The following TRIM45 variants were observed in gnomAD, a reference collection of about 807,000 sequenced individuals.
TRIM45 encodes E3 ubiquitin-protein ligase TRIM45.
Under a neutral mutation model 46.7 loss-of-function variants are expected in TRIM45, and 45 were observed. The observed-to-expected ratio is 0.96, with a 90% CI of 0.76 to 1.24. The LOEUF (loss-of-function observed/expected upper bound fraction) is 1.24. TRIM45 is among the 50% of genes most tolerant of loss of function. The pLI, the probability that TRIM45 is intolerant of heterozygous loss-of-function variation, is 0.00. For missense variants in TRIM45, 680 were observed against 728.4 expected (o/e 0.93, Z 0.77); for synonymous variants, 259 against 285.8 (o/e 0.91, Z 0.94).
Position 117,118,835 on chromosome 1 carries a change from G to C in TRIM45, c.489-68C>G. On this transcript the variant is annotated intron_variant, in intron 1 of 5. Transcript: ENST00000256649. This position sits in a 1 kb window ranked among gnomAD's most constrained non-coding sequence, Gnocchi z 5.7. ...TCTGTTGGGAATAGTTGGGCAGAGA[G>C]ATTTTAGGAGCACAGGATCTGAAGT... The C allele has an allele frequency of 6.5e-7, 1 of 1,532,234 alleles. No individual in the cohort carries two copies. Among genetic ancestry groups the C allele is most frequent in the African/African-American group, 1.4e-5 (1 of 72,560 alleles). 94.9% of individuals were successfully genotyped at this position (1,532,234 alleles called of 1,614,324 possible).
upstream of TRIM45, chr1:117,121,902 A>T (rs1570919553): frequency 1.1e-5 from 8 of 708,682 alleles, 2 homozygotes; most frequent in African/African-American, 1.8e-5. This position sits in a 1 kb window ranked among gnomAD's most constrained non-coding sequence, Gnocchi z 4.2. Flanking sequence ...TCGCCAGTCC[A>T]CTCACGCGGG....
Position 117,113,516 on chromosome 1 carries a change from G to A in TRIM45, c.1468-31C>T. On this transcript the variant is annotated intron_variant, in intron 4 of 5. Transcript: ENST00000256649. The surrounding 1 kb of genome is among the most constrained non-coding windows in gnomAD (Gnocchi z 4.0). ...GTGTTCAGACCAAAAGCAATGAACA[G>A]CATCTTACGAGTTAACAGGATGTGC... 2 of 1,605,154 alleles carry A rather than the reference G, an allele frequency of 1.2e-6. No individual in the cohort carries two copies. Among genetic ancestry groups the A allele is most frequent in the Non-Finnish European group, 1.7e-6 (2 of 1,174,874 alleles).
Position 117,118,951 on chromosome 1 carries a change from C to T in TRIM45, c.489-184G>A, listed in dbSNP as rs1256104481. Among the ~76,000 whole-genome samples, 1 of 152,210 alleles carries T rather than the reference C, an allele frequency of 6.6e-6. No homozygotes were observed. The highest frequency in any genetic ancestry group is 1.5e-5 in the Non-Finnish European group (1 of 68,042). The stretch of plus-strand genomic sequence containing the variant: ...TCTCATCTGTACAGTGGGGACAATA[C>T]CTACCTGAAAGAGCTGTTGTATAGA... On this transcript the variant is annotated intron_variant, in intron 1 of 5. Transcript: ENST00000256649. This position sits in a 1 kb window ranked among gnomAD's most constrained non-coding sequence, Gnocchi z 5.7.
At chr1:117,119,575 C>G (rs910070256) in intron 1 of TRIM45, among the ~76,000 whole-genome samples, 3 of 151,698 alleles carry the variant, frequency 2.0e-5, no homozygotes, top group African/African-American at 7.3e-5. Context: ...TTATTGCACT[C>G]CAGCCTGGGC....
At position 117,118,529 on chromosome 1, in the gene TRIM45, T is replaced by C; in HGVS notation, c.727A>G (p.Lys243Glu). Residue 243 changes from lysine (K) to glutamate (E), a missense_variant, in exon 2 of 6, where the codon AAA becomes GAA. Transcript: ENST00000256649. This position sits in a 1 kb window ranked among gnomAD's most constrained non-coding sequence, Gnocchi z 5.7. Reference protein sequence around the residue: ...KHGDSVWELLKGTQPHVEALE... With the variant: ...KHGDSVWELLEGTQPHVEALE... ...GCCTCCACGTGGGGCTGAGTACCTTTGAGGAGCTCCCACACAGAGTCCCCA... is the reference window on the plus strand; with the variant it reads ...GCCTCCACGTGGGGCTGAGTACCTTCGAGGAGCTCCCACACAGAGTCCCCA... The C allele has an allele frequency of 1.2e-6, 2 of 1,614,136 alleles. No homozygotes were observed. Among genetic ancestry groups the C allele is most frequent in the South Asian group, 1.1e-5 (1 of 91,078 alleles).
At position 117,118,651 on chromosome 1, in the gene TRIM45, A is replaced by G; in HGVS notation, c.605T>C (p.Phe202Ser). The change falls in exon 2 of 6, where the codon TTC becomes TCC. Residue 202 changes from phenylalanine (F) to serine (S), a missense_variant. Physicochemically the swap from Phe to Ser is radical, Grantham distance 155. Around this residue, in one of 3 missense-constraint regions of TRIM45, gnomAD observed 349 missense variants for 343.6 expected, o/e 1.02. Transcript: ENST00000256649. The surrounding 1 kb of genome is among the most constrained non-coding windows in gnomAD (Gnocchi z 5.7). ...PVHPAEELRL[F>S]CEFCDRPVCQ... Reference sequence around the variant, plus strand: ...CACGGGCCGGTCACAGAACTCACAGAACAGCCTCAGTTCCTCTGCAGGGTG... The same window carrying G: ...CACGGGCCGGTCACAGAACTCACAGGACAGCCTCAGTTCCTCTGCAGGGTG... The G allele has an allele frequency of 6.2e-7, 1 of 1,614,050 alleles. No individual in the cohort carries two copies. Among genetic ancestry groups the G allele is most frequent in the Non-Finnish European group, 8.5e-7 (1 of 1,180,040 alleles).
chr1:117,113,212 G>A lies in TRIM45; in HGVS notation c.1594+147C>T. ...AAGGAAGCTTTAAGTGACACTTTTAGAACAGTGGTGTCTCTACAATCACAG... is the reference window on the plus strand; with the variant it reads ...AAGGAAGCTTTAAGTGACACTTTTAAAACAGTGGTGTCTCTACAATCACAG... On this transcript the variant is annotated intron_variant, in intron 5 of 5. Transcript: ENST00000256649. The surrounding 1 kb of genome is among the most constrained non-coding windows in gnomAD (Gnocchi z 4.0). The A allele has an allele frequency of 8.6e-7, 1 of 1,163,626 alleles. No individual in the cohort carries two copies. The highest frequency in any genetic ancestry group is 1.2e-6 in the Non-Finnish European group (1 of 825,176). 72.1% of individuals were successfully genotyped at this position (1,163,626 alleles called of 1,614,324 possible).
Position 117,120,806 on chromosome 1 carries a change from G to A in TRIM45, c.396C>T (p.Gly132=), listed in dbSNP as rs1650590487. The A allele has an allele frequency of 1.2e-6, 2 of 1,614,020 alleles. No homozygotes were observed. The highest frequency in any genetic ancestry group is 1.3e-5 in the African/African-American group (1 of 74,906). The change falls in exon 1 of 6, where the codon GGC becomes GGT. Residue 132 remains glycine, a synonymous_variant. Transcript: ENST00000256649. ...MLESLRGEGQ[G]LVCDLCNDRE... is the part of the protein sequence containing the mutation. ...TGTCGTTGCACAGGTCACACACCAG[G>A]CCCTGGCCTTCCCCACGTAGGCTCT...
Position 117,111,496 on chromosome 1 carries a change from C to T in TRIM45, c.*809G>A, listed in dbSNP as rs1650207519. The T allele has an allele frequency of 1.3e-5, 2 of 152,144 alleles. No individual in the cohort carries two copies. Among genetic ancestry groups the T allele is most frequent in the South Asian group, 4.1e-4 (2 of 4,832 alleles). 9.4% of individuals were successfully genotyped at this position (152,144 alleles called of 1,614,324 possible). A position where few individuals can be genotyped will look rare whatever the true frequency, so the allele number is the denominator to read the frequency against. Reference sequence around the variant, plus strand: ...ATGGCATAGAGACGGAGTAGGGGGACACCACCAAAACAAGATCACATTATC... The same window carrying T: ...ATGGCATAGAGACGGAGTAGGGGGATACCACCAAAACAAGATCACATTATC... On this transcript the variant is annotated 3_prime_UTR_variant, in exon 6 of 6. Transcript: ENST00000256649.
At chr1:117,123,042 A>G (rs1254393540), upstream of TRIM45, among the ~76,000 whole-genome samples, 1 of 7,378 alleles carries the variant, frequency 1.4e-4, no homozygotes, top group African/African-American at 2.1e-4. Context: ...CCAAAATATG[A>G]AAAAAAAAAA....
rs200039848 is a variant in TRIM45 at position 117,121,223 on chromosome 1, T to C, written c.-22A>G. ...ACATACTCCTCACGTTTGTGACCAA[T>C]ATTAGAAAGGGCCCTGGGCAGTTCT... On this transcript the variant is annotated 5_prime_UTR_variant, in exon 1 of 6. The change creates a new upstream start codon in the 5' untranslated region. Transcript: ENST00000256649. The surrounding 1 kb of genome is among the most constrained non-coding windows in gnomAD (Gnocchi z 4.2). 286 of 1,519,218 alleles carry C rather than the reference T, an allele frequency of 1.9e-4. No individual in the cohort carries two copies. Among genetic ancestry groups the C allele is most frequent in the Non-Finnish European group, 2.3e-4 (267 of 1,142,266 alleles). 94.1% of individuals were successfully genotyped at this position (1,519,218 alleles called of 1,614,324 possible).
Position 117,113,416 on chromosome 1 carries a change from A to G in TRIM45, c.1537T>C (p.Phe513Leu). ...PHSGVFHCCTFCSSGGQKTAR... is the reference protein window; with the variant it reads ...PHSGVFHCCTLCSSGGQKTAR... ...GTTTTCTGGCCCCCGCTGGAGCAGA[A>G]GGTGCAGCAGTGAAACACGCCTGAG... The change falls in exon 5 of 6, where the codon TTC (phenylalanine) becomes CTC (leucine). Residue 513 changes from phenylalanine (F) to leucine (L), a missense_variant. Coordinates refer to ENST00000256649, the MANE Select transcript of TRIM45 (RefSeq NM_025188.4). The surrounding 1 kb of genome is among the most constrained non-coding windows in gnomAD (Gnocchi z 4.0). 6.2e-7 allele frequency: 1 copy of G among 1,612,510 alleles called. No individual in the cohort carries two copies. The highest frequency in any genetic ancestry group is 1.1e-5 in the South Asian group (1 of 91,012).
At chr1:117,123,793 C>A (rs1650757229), upstream of TRIM45, among the ~76,000 whole-genome samples, 2 of 152,106 alleles carry the variant, frequency 1.3e-5, 1 homozygote, top group South Asian at 4.1e-4. Flanking sequence ...CCACACCTGG[C>A]TAATTTTTTG....
Position 117,118,539 on chromosome 1 carries a change from CCA to C in TRIM45, c.715_716del (p.Trp239GlyfsTer37). 3 of 1,614,178 alleles carry C rather than the reference CCA, an allele frequency of 1.9e-6. No homozygotes were observed. The highest frequency in any genetic ancestry group is 2.5e-6 in the Non-Finnish European group (3 of 1,180,042). ...GGGGCTGAGTACCTTTGAGGAGCTC[CCA>C]CACAGAGTCCCCATGCTTGTGGATG... ...NVIHKHGDSV[W>X]ELLKGTQPHV... On this transcript the variant is annotated frameshift_variant, in exon 2 of 6. Transcript: ENST00000256649. LOFTEE classifies it high-confidence loss of function. The surrounding 1 kb of genome is among the most constrained non-coding windows in gnomAD (Gnocchi z 5.7).
Position 117,121,491 on chromosome 1 carries a change from T to C in TRIM45, c.-290A>G. ...CCGGATGCGCTTCCAGGTCTAGCTC[T>C]CCAGCTAGTCCTGCTGCCAACAAAG... On this transcript the variant is annotated 5_prime_UTR_variant, in exon 1 of 6. Coordinates refer to ENST00000256649, the MANE Select transcript of TRIM45 (RefSeq NM_025188.4). The surrounding 1 kb of genome is among the most constrained non-coding windows in gnomAD (Gnocchi z 4.2). The C allele has an allele frequency of 1.9e-6, 1 of 520,432 alleles. No homozygotes were observed. The highest frequency in any genetic ancestry group is 3.4e-6 in the Non-Finnish European group (1 of 296,574). The allele number at this position is 520,432 out of a possible 1,614,324, so 32.2% of individuals were successfully genotyped here. A position where few individuals can be genotyped will look rare whatever the true frequency, so the allele number is the denominator to read the frequency against.
upstream of TRIM45, chr1:117,121,755 C>A: frequency 1.4e-6 from 1 of 694,538 alleles, no homozygotes; most frequent in South Asian, 1.5e-5. The surrounding 1 kb of genome is among the most constrained non-coding windows in gnomAD (Gnocchi z 4.2). Flanking sequence ...CTGGCCCCTC[C>A]TCACACCAAT....
chr1:117,118,635 GTCACAGAAC>G lies in TRIM45; in HGVS notation c.612_620del (p.Glu204_Cys206del). On this transcript the variant is annotated inframe_deletion, in exon 2 of 6. Transcript: ENST00000256649. This position sits in a 1 kb window ranked among gnomAD's most constrained non-coding sequence, Gnocchi z 5.7. ...CCACACAATCCTGGCACACGGGCCG[GTCACAGAAC>G]TCACAGAACAGCCTCAGTTCCTCTG... 6.2e-7 allele frequency: 1 copy of G among 1,614,088 alleles called. No homozygotes were observed.
intron 4 of TRIM45, among the ~76,000 whole-genome samples, chr1:117,114,303 T>C (rs1009915642): frequency 3.3e-5 from 5 of 152,250 alleles, no homozygotes; most frequent in East Asian, 1.9e-4. Context: ...TATCCCATGT[T>C]AAACAAAAAA....
At position 117,115,139 on chromosome 1, in the gene TRIM45, G is replaced by A. The variant is rs890671615; in HGVS notation, c.1467+436C>T. Reference sequence around the variant, plus strand: ...AGAAAATTACATGAGCAGATGGTTAGGCAGATAGATGACTAGTCAATTGTG... The same window carrying A: ...AGAAAATTACATGAGCAGATGGTTAAGCAGATAGATGACTAGTCAATTGTG... On this transcript the variant is annotated intron_variant, in intron 4 of 5. Coordinates refer to ENST00000256649, the MANE Select transcript of TRIM45 (RefSeq NM_025188.4). This position sits in a 1 kb window ranked among gnomAD's most constrained non-coding sequence, Gnocchi z 4.2. Among the ~76,000 whole-genome samples the A allele has an allele frequency of 1.3e-5, 2 of 152,180 alleles. No individual in the cohort carries two copies. Among genetic ancestry groups the A allele is most frequent in the African/African-American group, 4.8e-5 (2 of 41,442 alleles).
Sources: allele counts gnomAD v4.1 joint callset (sites outside exome capture counted in the v4.1 genomes callset), GRCh38; gene constraint gnomAD v4.1.1; regional missense constraint gnomAD v4.1.1; non-coding constraint Gnocchi (gnomAD v3.1); transcripts MANE v1.5; gene names NCBI Gene and HGNC (gene_info 2026-07-23, HGNC 2026-07-21).